Variants in DNER observed in about 807,000 individuals in gnomAD.
DNER encodes delta and Notch-like epidermal growth factor-related receptor.
Under a neutral mutation model 78.2 loss-of-function variants are expected in DNER, and 33 were observed. The ratio of observed to expected loss-of-function variants is 0.42; its 90% CI spans 0.32 to 0.56. DNER has a LOEUF of 0.56. DNER is among the 20% of genes least tolerant of loss of function. The pLI, the probability that DNER is intolerant of heterozygous loss-of-function variation, is 0.11. For synonymous variants in DNER, 417 were observed against 384.8 expected, an observed-to-expected ratio of 1.08 and a Z score of -0.98; for missense variants, 918 against 975.3, an observed-to-expected ratio of 0.94 and a Z score of 0.78.
At chr2:229,486,507 C>T (rs919221433) in intron 6 of DNER, among the ~76,000 whole-genome samples, 14 of 152,142 alleles carry the variant, frequency 9.2e-5, no homozygotes, top group Middle Eastern at 3.4e-3. Context: ...AGTGGAAGGT[C>T]TGGGATGGTG....
At position 229,569,605 on chromosome 2, in the gene DNER, C is replaced by G. The variant is rs547886719; in HGVS notation, c.847+16253G>C. 1.4e-4 allele frequency among the ~76,000 whole-genome samples: 22 copies of G among 152,260 alleles called. No homozygotes were observed. The South Asian group carries it at 4.6e-3, about 32-fold the overall frequency. Reference sequence around the variant, plus strand: ...ATATAACCTATGCACATCTGCACATCTTCTGATATACTTTAAATCATCTCT... The same window carrying G: ...ATATAACCTATGCACATCTGCACATGTTCTGATATACTTTAAATCATCTCT... On this transcript the variant is annotated intron_variant, in intron 4 of 12. Transcript: ENST00000341772.
intron 1 of DNER, among the ~76,000 whole-genome samples, chr2:229,705,351 G>T (rs761293158): frequency 1.3e-5 from 2 of 152,192 alleles, no homozygotes; most frequent in Non-Finnish European, 2.9e-5. Context: ...TAGCAGACAC[G>T]TTTCTATTTC....
chr2:229,451,692 G>C (rs1171667580), intron 7 of DNER, among the ~76,000 whole-genome samples: 1 of 152,146 alleles, frequency 6.6e-6, no homozygotes, highest in Non-Finnish European at 1.5e-5. Context: ...GGACACCAAG[G>C]CCAAGTGCTT....
chr2:229,535,282 G>A (rs1696380108), intron 5 of DNER, among the ~76,000 whole-genome samples: 1 of 152,192 alleles, frequency 6.6e-6, no homozygotes, highest in Non-Finnish European at 1.5e-5. Context: ...AAGGCTAGGT[G>A]AAGCCAAACA....
chr2:229,481,151 C>T (rs1695149958), intron 6 of DNER, among the ~76,000 whole-genome samples: 1 of 152,170 alleles, frequency 6.6e-6, no homozygotes, highest in African/African-American at 2.4e-5. Context: ...AGGGAGGGGC[C>T]CTTTGGCAGG....
At chr2:229,558,101 A>C (rs1242481990) in intron 4 of DNER, among the ~76,000 whole-genome samples, 5 of 152,208 alleles carry the variant, frequency 3.3e-5, no homozygotes, top group Non-Finnish European at 7.3e-5. Context: ...GCTGGGGGCC[A>C]TTATCCTTAG....
chr2:229,371,405 G>A (rs1410302536), intron 11 of DNER, among the ~76,000 whole-genome samples: 2 of 152,214 alleles, frequency 1.3e-5, no homozygotes, highest in African/African-American at 2.4e-5. Flanking sequence ...TGCCAGATGG[G>A]TTCATCTCAT....
chr2:229,595,136 G>A (rs1356108629), intron 1 of DNER, among the ~76,000 whole-genome samples: 1 of 152,032 alleles, frequency 6.6e-6, no homozygotes, highest in Admixed American at 6.5e-5. Context: ...TCTGTTGGGT[G>A]TTTTACATTT....
At chr2:229,507,998 TAAAG>T (rs1412718254) in intron 6 of DNER, among the ~76,000 whole-genome samples, 1 of 152,022 alleles carries the variant, frequency 6.6e-6, no homozygotes, top group Non-Finnish European at 1.5e-5. Flanking sequence ...GTATCAAAAA[TAAAG>T]AATTCTAACA....
chr2:229,489,865 T>C (rs741562), intron 6 of DNER, among the ~76,000 whole-genome samples: 19,025 of 152,132 alleles, frequency 0.13, 1,333 homozygotes, highest in South Asian at 0.2. Context: ...AGGGCACCAC[T>C]GATGACCTTG....
intron 7 of DNER, among the ~76,000 whole-genome samples, chr2:229,469,426 G>T (rs1157388479): frequency 6.6e-6 from 1 of 152,186 alleles, no homozygotes; most frequent in African/African-American, 2.4e-5. Context: ...TCTCTGCGAG[G>T]TACTGGTCTA....
At chr2:229,457,166 T>A (rs1694593307) in intron 7 of DNER, among the ~76,000 whole-genome samples, 2 of 152,010 alleles carry the variant, frequency 1.3e-5, no homozygotes, top group Non-Finnish European at 2.9e-5. Flanking sequence ...ACAAAAATAC[T>A]AAAGAAAGTT....
At chr2:229,526,321 G>C (rs79241824) in intron 5 of DNER, among the ~76,000 whole-genome samples, 1 of 152,142 alleles carries the variant, frequency 6.6e-6, no homozygotes, top group African/African-American at 2.4e-5. Flanking sequence ...AAAAGTGCCT[G>C]GGTTAACGTA....
intron 11 of DNER, among the ~76,000 whole-genome samples, chr2:229,373,815 TA>T (rs1692542251): frequency 6.6e-6 from 1 of 152,160 alleles, no homozygotes; most frequent in Non-Finnish European, 1.5e-5. Context: ...TGAAGGCCAT[TA>T]TCCTAAGTGA....
chr2:229,404,474 A>G (rs554409434), intron 10 of DNER, among the ~76,000 whole-genome samples: 13 of 152,164 alleles, frequency 8.5e-5, no homozygotes, highest in African/African-American at 2.9e-4. Context: ...CCCACGATCC[A>G]ATTACCTCCA....
At chr2:229,499,839 T>C (rs1225186604) in intron 6 of DNER, among the ~76,000 whole-genome samples, 1 of 152,002 alleles carries the variant, frequency 6.6e-6, no homozygotes, top group Non-Finnish European at 1.5e-5. Context: ...GAATTGCTAT[T>C]TCAAATATAT....
At chr2:229,586,649 A>G in intron 3 of DNER, 1 of 984,640 alleles carries the variant, frequency 1.0e-6, no homozygotes, top group Non-Finnish European at 1.2e-6. Flanking sequence ...CTCACAGCCC[A>G]ATGCTTCAGC....
intron 4 of DNER, among the ~76,000 whole-genome samples, chr2:229,559,975 C>G (rs938646851): frequency 2.6e-5 from 4 of 152,180 alleles, no homozygotes; most frequent in African/African-American, 7.2e-5. Flanking sequence ...CCTTTTAAAA[C>G]CAAGACTTTG....
chr2:229,695,672 G>C (rs998133308), intron 1 of DNER, among the ~76,000 whole-genome samples: 5 of 152,196 alleles, frequency 3.3e-5, no homozygotes, highest in African/African-American at 1.2e-4. Flanking sequence ...GAAATGACCA[G>C]TGGTAGAGTG....
Sources: gnomAD v4.1 joint callset for allele counts (sites outside exome capture counted in the v4.1 genomes callset) on GRCh38, gnomAD v4.1.1 for gene constraint, MANE v1.5 for transcripts, NCBI Gene and HGNC (gene_info 2026-07-23, HGNC 2026-07-21) for gene names.